Variants in CNTN5 observed in about 807,000 individuals in gnomAD.
CNTN5 encodes the protein contactin 5.
CNTN5 carries 77 observed loss-of-function variants against 129.1 expected under a neutral mutation model. That is an observed-to-expected ratio of 0.60 (90% CI 0.50 to 0.72). The LOEUF (loss-of-function observed/expected upper bound fraction) is 0.72. Ranked by LOEUF, CNTN5 falls within the 30% of genes least tolerant of loss-of-function variation. CNTN5 has a pLI of 0.00. For synonymous variants in CNTN5, 509 were observed against 465.6 expected, an observed-to-expected ratio of 1.09 and a Z score of -1.20; for missense variants, 1,478 against 1,328.8, an observed-to-expected ratio of 1.11 and a Z score of -1.75.
intron 1 of CNTN5, among the ~76,000 whole-genome samples, chr11:99,073,374 G>GTTTTTTTT (rs750531770): frequency 1.3e-4 from 8 of 61,176 alleles, no homozygotes; most frequent in Admixed American, 4.3e-4. Context: ...TTATGGTTTG[G>GTTTTTTTT]TTTTTTTTTT....
chr11:99,512,863 A>G lies in CNTN5; in HGVS notation c.-70-43282A>G, dbSNP rs1007222519. 5.3e-5 allele frequency among the ~76,000 whole-genome samples: 8 copies of G among 152,134 alleles called. No homozygotes were observed. The East Asian group carries it at 9.6e-4, about 18-fold the overall frequency. ...GACACAACAGTATTGAAATAGGCCA[A>G]TGAATAACTGTACAATGGCTTCTAA... is the stretch of plus-strand genomic sequence containing the variant. On this transcript the variant is annotated intron_variant, in intron 2 of 24. Coordinates refer to ENST00000524871, the MANE Select transcript of CNTN5 (RefSeq NM_014361.4).
chr11:100,108,593 A>G (rs547272509), intron 13 of CNTN5, among the ~76,000 whole-genome samples: 337 of 152,314 alleles, frequency 2.2e-3, no homozygotes, highest in South Asian at 0.011. Context: ...CTGGGTACAG[A>G]AGTTAAACTT....
At chr11:99,994,355 A>G (rs1939313753) in intron 8 of CNTN5, among the ~76,000 whole-genome samples, 1 of 152,198 alleles carries the variant, frequency 6.6e-6, no homozygotes, top group South Asian at 2.1e-4. Flanking sequence ...AAGAATACTA[A>G]AGAATTAATA....
chr11:99,229,181 T>A (rs1860847102), intron 1 of CNTN5, among the ~76,000 whole-genome samples: 1 of 152,066 alleles, frequency 6.6e-6, no homozygotes, highest in Non-Finnish European at 1.5e-5. Context: ...ATTGAGTAAA[T>A]GAACTCATAA....
chr11:99,679,031 TATAAA>T (rs1953430521), intron 3 of CNTN5, among the ~76,000 whole-genome samples: 1 of 147,522 alleles, frequency 6.8e-6, no homozygotes, highest in African/African-American at 2.5e-5. Flanking sequence ...TAAATATATA[TATAAA>T]ATATATGCAT....
intron 2 of CNTN5, among the ~76,000 whole-genome samples, chr11:99,455,714 G>A (rs943316210): frequency 6.6e-6 from 1 of 151,984 alleles, no homozygotes; most frequent in Non-Finnish European, 1.5e-5. Context: ...AGTAGGAATT[G>A]TATGAGAATG....
intron 3 of CNTN5, among the ~76,000 whole-genome samples, chr11:99,796,736 G>A (rs1201566374): frequency 6.6e-6 from 1 of 152,016 alleles, no homozygotes; most frequent in Non-Finnish European, 1.5e-5. Flanking sequence ...AAGTCTCCTA[G>A]GGAAACCCAG....
At chr11:99,849,848 C>G (rs1947816631) in intron 6 of CNTN5, among the ~76,000 whole-genome samples, 1 of 152,094 alleles carries the variant, frequency 6.6e-6, no homozygotes, top group South Asian at 2.1e-4. Flanking sequence ...AGTACTCAAT[C>G]TTTCCCTATT....
chr11:100,149,927 A>T (rs1391972244), intron 13 of CNTN5, among the ~76,000 whole-genome samples: 1 of 151,838 alleles, frequency 6.6e-6, no homozygotes, highest in Admixed American at 6.6e-5. Context: ...AGAAAAAAAA[A>T]ATCTCATGGG....
chr11:100,287,124 C>T (rs879122401), intron 18 of CNTN5, among the ~76,000 whole-genome samples: 15 of 152,112 alleles, frequency 9.9e-5, no homozygotes, highest in Admixed American at 8.5e-4. Context: ...ACCAAATCTA[C>T]GTCTGATTGG....
At chr11:100,157,470 T>C (rs1460441377) in intron 13 of CNTN5, among the ~76,000 whole-genome samples, 2 of 151,480 alleles carry the variant, frequency 1.3e-5, no homozygotes, top group Non-Finnish European at 3.0e-5. Flanking sequence ...TAAATAAATG[T>C]GAGATATACC....
intron 1 of CNTN5, among the ~76,000 whole-genome samples, chr11:99,316,332 A>G (rs1273806124): frequency 1.3e-5 from 2 of 152,342 alleles, no homozygotes; most frequent in East Asian, 1.9e-4. Flanking sequence ...CTTAGCAGTG[A>G]TAGCGTTGTA....
chr11:99,243,781 G>T (rs1275273797), intron 1 of CNTN5, among the ~76,000 whole-genome samples: 1 of 146,968 alleles, frequency 6.8e-6, no homozygotes, highest in Admixed American at 6.8e-5. Flanking sequence ...TGGGTGCCAG[G>T]CTTTATTTCT....
At chr11:100,082,451 A>C (rs2059018) in intron 13 of CNTN5, among the ~76,000 whole-genome samples, 120,704 of 151,932 alleles carry the variant, frequency 0.79, 48,889 homozygotes, top group East Asian at 1. Flanking sequence ...CCATGCCTGG[A>C]AAATTTTTTT....
chr11:99,989,263 A>G (rs1174551681), intron 8 of CNTN5, among the ~76,000 whole-genome samples: 1 of 152,128 alleles, frequency 6.6e-6, no homozygotes, highest in African/African-American at 2.4e-5. Context: ...TGGAATTGCT[A>G]TATTTTTATT....
At chr11:100,338,030 A>C (rs1416994418) in intron 21 of CNTN5, among the ~76,000 whole-genome samples, 2 of 152,238 alleles carry the variant, frequency 1.3e-5, no homozygotes, top group African/African-American at 4.8e-5. Context: ...TTACCTACCA[A>C]TAACACGCTC....
chr11:99,683,038 GTTAT>G (rs1159872228), intron 3 of CNTN5, among the ~76,000 whole-genome samples: 8 of 151,824 alleles, frequency 5.3e-5, no homozygotes, highest in Non-Finnish European at 7.4e-5. Context: ...GGAAGTATTT[GTTAT>G]TTATTAACAT....
rs948569108 is a variant in CNTN5, at chr11:100,335,111, C to T, written c.2731-5352C>T. On this transcript the variant is annotated intron_variant, in intron 21 of 24. Transcript: ENST00000524871. ...CGCATGTGTAGTGGGCAGGGAGATT[C>T]AGGAGATCTCTGTACCTTCCTTTCA... Among the ~76,000 whole-genome samples, 6 of 151,670 alleles carry T rather than the reference C, an allele frequency of 4.0e-5. No homozygotes were observed. The East Asian group carries it at 1.2e-3, about 30-fold the overall frequency.
intron 9 of CNTN5, among the ~76,000 whole-genome samples, chr11:100,014,538 G>A (rs748045167): frequency 4.6e-5 from 7 of 151,812 alleles, no homozygotes; most frequent in Admixed American, 1.3e-4. Context: ...CCGAGATTGC[G>A]CCACTGCACT....
Sources: allele counts gnomAD v4.1 joint callset (sites outside exome capture counted in the v4.1 genomes callset), GRCh38; gene constraint gnomAD v4.1.1; transcripts MANE v1.5; gene names NCBI Gene and HGNC (gene_info 2026-07-23, HGNC 2026-07-21).